The following WBP1L variants were observed in gnomAD, a reference collection of about 807,000 sequenced individuals.
WBP1L encodes WW domain binding protein 1 like, also known as WW domain binding protein 1-like.
In WBP1L, 17 loss-of-function variants were observed where a neutral mutation model predicts 33.7. That is an observed-to-expected ratio of 0.50 (90% confidence interval 0.34 to 0.76). The LOEUF (loss-of-function observed/expected upper bound fraction) is 0.76. Among genes scored for constraint, WBP1L ranks in the 30% least tolerant of loss-of-function variants. The probability of loss-of-function intolerance (pLI) is 0.01; values close to 1 mark genes in which losing one functional copy is unlikely to be tolerated. For missense variants in WBP1L, 389 were observed against 469.4 expected (o/e 0.83, Z 1.58); for synonymous variants, 173 against 190.8 (o/e 0.91, Z 0.77).
intron 1 of WBP1L, among the ~76,000 whole-genome samples, chr10:102,775,266 G>A (rs975171262): frequency 6.6e-6 from 1 of 152,196 alleles, no homozygotes; most frequent in Non-Finnish European, 1.5e-5. Flanking sequence ...TTCAGGCCGA[G>A]GGAGAGCTGC....
chr10:102,804,276 T>C (rs1843700154), intron 2 of WBP1L, among the ~76,000 whole-genome samples: 2 of 150,246 alleles, frequency 1.3e-5, no homozygotes, highest in South Asian at 2.1e-4. Flanking sequence ...TAGTTCCAGC[T>C]ACTTGGGAGG....
At chr10:102,779,165 C>T (rs1198980132) in intron 1 of WBP1L, among the ~76,000 whole-genome samples, 1 of 151,782 alleles carries the variant, frequency 6.6e-6, no homozygotes, top group Non-Finnish European at 1.5e-5. Context: ...TAAAATGCTG[C>T]TTACCCCTTA....
At chr10:102,774,849 AC>A (rs1202879761) in intron 1 of WBP1L, among the ~76,000 whole-genome samples, 2 of 152,012 alleles carry the variant, frequency 1.3e-5, no homozygotes, top group Admixed American at 6.6e-5. Context: ...TTGAAAAGTA[AC>A]TTTTTGTAAT....
At position 102,813,609 on chromosome 10, in the gene WBP1L, A is replaced by C; in HGVS notation, c.*278A>C. ...CTCCATCTCCTTTCTTTAAAGTCAA[A>C]TCTCACCTACCTGTTTGGGTCAGAG... On this transcript the variant is annotated 3_prime_UTR_variant, in exon 4 of 4. Transcript: ENST00000448841. 6.3e-6 allele frequency: 3 copies of C among 473,552 alleles called. No homozygotes were observed. The highest frequency in any genetic ancestry group is 1.1e-5 in the Non-Finnish European group (3 of 266,544). The allele number at this position is 473,552 out of a possible 1,614,324, so 29.3% of individuals were successfully genotyped here.
chr10:102,745,555 A>G (rs1337031436), intron 1 of WBP1L, among the ~76,000 whole-genome samples: 2 of 152,160 alleles, frequency 1.3e-5, no homozygotes, highest in African/African-American at 2.4e-5. Context: ...GGATCCTACA[A>G]TATGTGGTCT....
intron 1 of WBP1L, among the ~76,000 whole-genome samples, chr10:102,784,733 A>T (rs1190643663): frequency 6.8e-6 from 1 of 147,862 alleles, no homozygotes; most frequent in African/African-American, 2.5e-5. Context: ...CGAATTTTTT[A>T]AATTTTTAAT....
chr10:102,772,558 CTTTTTTTT>C (rs34624231), intron 1 of WBP1L, among the ~76,000 whole-genome samples: 1 of 64,714 alleles, frequency 1.5e-5, no homozygotes, highest in African/African-American at 5.8e-5. Context: ...ATGCCCGGCC[CTTTTTTTT>C]TTTTTTTTTT....
At chr10:102,752,738 C>T (rs879383128) in intron 1 of WBP1L, among the ~76,000 whole-genome samples, 1 of 152,084 alleles carries the variant, frequency 6.6e-6, no homozygotes, top group Non-Finnish European at 1.5e-5. Flanking sequence ...CTCTGATTTT[C>T]GGCCTCAGGA....
intron 2 of WBP1L, among the ~76,000 whole-genome samples, chr10:102,801,827 TTCTC>T (rs942220843): frequency 6.6e-6 from 1 of 151,816 alleles, no homozygotes; most frequent in African/African-American, 2.4e-5. Flanking sequence ...TCATTTTTTA[TTCTC>T]TCTCTTTTTT....
At chr10:102,745,799 G>C (rs887164227) in intron 1 of WBP1L, among the ~76,000 whole-genome samples, 1 of 152,188 alleles carries the variant, frequency 6.6e-6, no homozygotes, top group Non-Finnish European at 1.5e-5. Flanking sequence ...CTTTTCGAGG[G>C]TTGGGACCCT....
chr10:102,746,166 C>G, intron 1 of WBP1L: 8 of 985,234 alleles, frequency 8.1e-6, no homozygotes, highest in Non-Finnish European at 8.4e-6. Flanking sequence ...GGTCGTGGAG[C>G]CTGGGAGGTG....
chr10:102,769,429 C>G (rs573526093), intron 1 of WBP1L, among the ~76,000 whole-genome samples: 1 of 147,706 alleles, frequency 6.8e-6, no homozygotes, highest in Non-Finnish European at 1.5e-5. Flanking sequence ...TCTTGTGTGA[C>G]TGTGTTTGTC....
chr10:102,804,421 A>T (rs149371707), intron 2 of WBP1L, among the ~76,000 whole-genome samples: 36,632 of 99,312 alleles, frequency 0.37, 5,315 homozygotes, highest in Non-Finnish European at 0.48. Context: ...TTTTTTTTTA[A>T]AAAAAAAATT....
chr10:102,782,699 C>T (rs1005701005), intron 1 of WBP1L, among the ~76,000 whole-genome samples: 2 of 152,078 alleles, frequency 1.3e-5, no homozygotes, highest in African/African-American at 4.8e-5. Context: ...GAACTTGAAC[C>T]CCAGACCTCA....
chr10:102,765,622 G>T (rs1382448099), intron 1 of WBP1L, among the ~76,000 whole-genome samples: 1 of 152,170 alleles, frequency 6.6e-6, no homozygotes, highest in African/African-American at 2.4e-5. Context: ...ATCGTGCTTG[G>T]TCCTGTGAGG....
At chr10:102,768,369 TTG>T (rs1564757964) in intron 1 of WBP1L, among the ~76,000 whole-genome samples, 2 of 19,160 alleles carry the variant, frequency 1.0e-4, no homozygotes, top group Non-Finnish European at 9.7e-5. Flanking sequence ...CATTAGTTTT[TTG>T]TTTTTTTTTT....
chr10:102,771,659 T>G (rs1293858645), intron 1 of WBP1L, among the ~76,000 whole-genome samples: 1 of 151,572 alleles, frequency 6.6e-6, no homozygotes, highest in Non-Finnish European at 1.5e-5. Flanking sequence ...AAGACAAAAA[T>G]TAGCTGGGAG....
intron 2 of WBP1L, among the ~76,000 whole-genome samples, chr10:102,800,088 G>A (rs940490370): frequency 1.3e-5 from 2 of 152,168 alleles, no homozygotes; most frequent in African/African-American, 4.8e-5. Context: ...ATTTTAGAAG[G>A]GGTGGGGCTG....
chr10:102,809,326 C>G (rs1016731282), intron 2 of WBP1L, among the ~76,000 whole-genome samples: 5 of 149,360 alleles, frequency 3.3e-5, no homozygotes, highest in African/African-American at 9.9e-5. Context: ...GATCTGCACG[C>G]CTCGGCCTCC....
Sources: gnomAD v4.1 joint callset for allele counts (sites outside exome capture counted in the v4.1 genomes callset) on GRCh38, gnomAD v4.1.1 for gene constraint, MANE v1.5 for transcripts, NCBI Gene and HGNC (gene_info 2026-07-23, HGNC 2026-07-21) for gene names.